The following TMEM114 variants were observed in gnomAD, a reference collection of about 807,000 sequenced individuals.
TMEM114 encodes claudin-26.
In TMEM114, 6 loss-of-function variants were observed where a neutral mutation model predicts 6.2. The ratio of observed to expected loss-of-function variants is 0.97; its 90% confidence interval spans 0.53 to 1.91. The LOEUF is 1.91. TMEM114 is among the 40% of genes most tolerant of loss of function. The probability of loss-of-function intolerance (pLI) is 0.01; values close to 1 mark genes in which losing one functional copy is unlikely to be tolerated. For synonymous variants in TMEM114, 104 were observed against 73.0 expected, an observed-to-expected ratio of 1.42 and a Z score of -2.16; for missense variants, 218 against 158.3, an observed-to-expected ratio of 1.38 and a Z score of -2.02.
intron 2 of TMEM114, among the ~76,000 whole-genome samples, chr16:8,550,969 G>T (rs961156483): frequency 2.4e-4 from 37 of 152,202 alleles, no homozygotes; most frequent in Non-Finnish European, 4.4e-5. Context: ...TTGATTTGCA[G>T]AACTACAAAG....
intron 2 of TMEM114, among the ~76,000 whole-genome samples, chr16:8,549,392 C>T (rs189247463): frequency 6.1e-5 from 9 of 148,744 alleles, no homozygotes; most frequent in Admixed American, 4.1e-4. Context: ...CTCAGCTACT[C>T]GGGAGGCTGA....
chr16:8,564,485 A>C (rs116907222), intron 2 of TMEM114, among the ~76,000 whole-genome samples: 1 of 21,842 alleles, frequency 4.6e-5, no homozygotes. Flanking sequence ...GACGGAGGGA[A>C]TGAATGAGTG....
intron 2 of TMEM114, among the ~76,000 whole-genome samples, chr16:8,561,878 G>GAGTGAATGAGTA (rs1901223239): frequency 9.9e-6 from 1 of 100,660 alleles, no homozygotes; most frequent in South Asian, 4.0e-4. Flanking sequence ...ATGAGTGAGT[G>GAGTGAATGAGTA]AATGAGTGAG....
chr16:8,550,655 G>A (rs1159942480), intron 2 of TMEM114, among the ~76,000 whole-genome samples: 4 of 145,830 alleles, frequency 2.7e-5, no homozygotes, highest in Non-Finnish European at 6.0e-5. Flanking sequence ...TCCAGCCTGA[G>A]CAACAAGAGC....
chr16:8,549,097 G>A (rs974224466), intron 2 of TMEM114, among the ~76,000 whole-genome samples: 5 of 150,924 alleles, frequency 3.3e-5, no homozygotes, highest in Non-Finnish European at 2.9e-5. Context: ...CAGGAGAATG[G>A]CGTGAACCCT....
chr16:8,545,088 C>T (rs898371753), intron 2 of TMEM114, among the ~76,000 whole-genome samples: 1 of 152,222 alleles, frequency 6.6e-6, no homozygotes, highest in South Asian at 2.1e-4. Context: ...GCCTATATTG[C>T]ACCCTTTCTC....
At chr16:8,555,024 C>T (rs1391235911) in intron 2 of TMEM114, among the ~76,000 whole-genome samples, 2 of 152,202 alleles carry the variant, frequency 1.3e-5, no homozygotes, top group African/African-American at 2.4e-5. Flanking sequence ...CCTTCAGTAC[C>T]AGGGCCTTCC....
intron 1 of TMEM114, 104 bp downstream of exon 1, chr16:8,589,515 G>T: frequency 2.5e-6 from 1 of 398,272 alleles, no homozygotes; most frequent in Non-Finnish European, 4.4e-6. Flanking sequence ...GTATTTTAGG[G>T]ACTTGGGGGA....
At chr16:8,554,251 A>AT (rs1412014527) in intron 2 of TMEM114, among the ~76,000 whole-genome samples, 2 of 124,550 alleles carry the variant, frequency 1.6e-5, no homozygotes, top group Non-Finnish European at 3.4e-5. Flanking sequence ...AGGTCATGTG[A>AT]TTTCAGGGAA....
intron 2 of TMEM114, among the ~76,000 whole-genome samples, chr16:8,539,566 A>G (rs531765162): frequency 6.6e-6 from 1 of 152,228 alleles, no homozygotes; most frequent in Admixed American, 6.5e-5. Context: ...ATCCAAGGAA[A>G]ATGACCCCTG....
At chr16:8,536,880 G>A (rs11864133), downstream of TMEM114, among the ~76,000 whole-genome samples, 5 of 152,010 alleles carry the variant, frequency 3.3e-5, no homozygotes, top group Non-Finnish European at 7.4e-5. Context: ...TATTTCCTTT[G>A]TCCTGGCTGT....
At chr16:8,527,464 AC>A in the TMEM114 span, among the ~76,000 whole-genome samples, 1 of 152,142 alleles carries the variant, frequency 6.6e-6, no homozygotes, top group Admixed American at 6.5e-5. Flanking sequence ...TAAAATGGAC[AC>A]TTCCCCGTGG....
At chr16:8,535,843 C>G (rs1900340827), downstream of TMEM114, among the ~76,000 whole-genome samples, 1 of 152,158 alleles carries the variant, frequency 6.6e-6, no homozygotes, top group Admixed American at 6.5e-5. Flanking sequence ...ATCACAATAC[C>G]CATGTTTTAG....
intron 2 of TMEM114, among the ~76,000 whole-genome samples, chr16:8,585,327 G>A (rs930520016): frequency 4.6e-5 from 7 of 152,168 alleles, no homozygotes; most frequent in Admixed American, 3.3e-4. Context: ...GTTAGATCAT[G>A]GGACTTCCCT....
At chr16:8,527,043 G>A in the TMEM114 span, among the ~76,000 whole-genome samples, 88,808 of 151,966 alleles carry the variant, frequency 0.58, 26,040 homozygotes, top group South Asian at 0.64. Flanking sequence ...CCCCAACTCT[G>A]CTAAACATAG....
intron 2 of TMEM114, among the ~76,000 whole-genome samples, chr16:8,562,097 T>C (rs1036711600): frequency 2.6e-5 from 4 of 150,978 alleles, no homozygotes; most frequent in Admixed American, 2.0e-4. Context: ...AGTGAGTGAG[T>C]GAATGAGTGA....
chr16:8,573,009 G>A (rs533494247), intron 2 of TMEM114, among the ~76,000 whole-genome samples: 38 of 152,318 alleles, frequency 2.5e-4, no homozygotes, highest in Admixed American at 1.8e-3. Flanking sequence ...TGCCGGCCCC[G>A]TTCTCTACAA....
intron 2 of TMEM114, among the ~76,000 whole-genome samples, chr16:8,553,950 C>G (rs534857497): frequency 1.3e-5 from 2 of 151,732 alleles, no homozygotes; most frequent in Admixed American, 6.6e-5. Context: ...GCAATCTCAG[C>G]TCACTGCAAC....
At chr16:8,568,044 G>A (rs966303965), downstream of TMEM114, among the ~76,000 whole-genome samples, 3 of 152,174 alleles carry the variant, frequency 2.0e-5, no homozygotes, top group African/African-American at 4.8e-5. Context: ...GTGGAAGTAG[G>A]GGGAGGACCA....
Sources: gnomAD v4.1 joint callset for allele counts (sites outside exome capture counted in the v4.1 genomes callset) on GRCh38, gnomAD v4.1.1 for gene constraint, MANE v1.5 for transcripts, NCBI Gene and HGNC (gene_info 2026-07-23, HGNC 2026-07-21) for gene names.